The following ARHGEF6 variants were observed in gnomAD, a reference collection of about 807,000 sequenced individuals.
ARHGEF6 encodes the protein rho guanine nucleotide exchange factor 6.
In ARHGEF6, 9 loss-of-function variants were observed where a neutral mutation model predicts 70.3. That is an observed-to-expected ratio of 0.13 (90% CI 0.08 to 0.22). ARHGEF6 has a LOEUF of 0.22. Ranked by LOEUF, ARHGEF6 falls within the 10% of genes least tolerant of loss-of-function variation. The pLI is 1.00. For missense variants in ARHGEF6, 470 were observed against 563.0 expected (o/e 0.83, Z 1.67); for synonymous variants, 201 against 207.8 (o/e 0.97, Z 0.28).
At chrX:136,771,324 T>C (rs2077361703) in intron 2 of ARHGEF6, among the ~76,000 whole-genome samples, 1 of 112,529 alleles carries the variant, frequency 8.9e-6, no homozygotes, top group African/African-American at 3.2e-5. Flanking sequence ...AGCTGGCCTT[T>C]TTTGTAGAAA....
chrX:136,768,201 A>G (rs1399139253), intron 2 of ARHGEF6, among the ~76,000 whole-genome samples: 1 of 112,133 alleles, frequency 8.9e-6, no homozygotes, highest in South Asian at 3.7e-4. Context: ...CTCTGATAAC[A>G]GGCCCCAAAT....
At chrX:136,757,403 T>C (rs949574790) in intron 2 of ARHGEF6, among the ~76,000 whole-genome samples, 3 of 112,118 alleles carry the variant, frequency 2.7e-5, no homozygotes, top group African/African-American at 6.5e-5. Flanking sequence ...TCTCAAAAAA[T>C]AGTAATAATA....
intron 9 of ARHGEF6, among the ~76,000 whole-genome samples, chrX:136,700,669 A>G (rs956233389): frequency 8.9e-6 from 1 of 112,328 alleles, no homozygotes. Context: ...AAAACCTCAC[A>G]GTAAACACCT....
At chrX:136,703,125 T>C (rs1263537005) in intron 9 of ARHGEF6, among the ~76,000 whole-genome samples, 1 of 111,978 alleles carries the variant, frequency 8.9e-6, no homozygotes, top group East Asian at 2.8e-4. Flanking sequence ...ATTATAAAAC[T>C]CTAAGAAAAT....
intron 12 of ARHGEF6, among the ~76,000 whole-genome samples, chrX:136,684,152 C>T (rs1481541133): frequency 8.9e-6 from 1 of 112,364 alleles, no homozygotes; most frequent in African/African-American, 3.2e-5. Context: ...TCCTTGCCCT[C>T]TGAACCTTCA....
At chrX:136,720,466 A>T (rs926040730) in intron 6 of ARHGEF6, among the ~76,000 whole-genome samples, 11 of 110,515 alleles carry the variant, frequency 1.0e-4, no homozygotes, top group Non-Finnish European at 1.9e-4. Flanking sequence ...ATTCTCAGAA[A>T]ACTAGGAATA....
At chrX:136,678,728 T>C (rs2076303561) in intron 16 of ARHGEF6, among the ~76,000 whole-genome samples, 1 of 111,847 alleles carries the variant, frequency 8.9e-6, no homozygotes, top group South Asian at 3.7e-4. Context: ...AAGCCACCTT[T>C]GCCCCATAAT....
intron 5 of ARHGEF6, among the ~76,000 whole-genome samples, chrX:136,742,741 G>A (rs1044097510): frequency 9.0e-6 from 1 of 111,673 alleles, no homozygotes; most frequent in East Asian, 2.8e-4. Context: ...GTGGGAGGCC[G>A]ACACAGGAAG....
intron 5 of ARHGEF6, among the ~76,000 whole-genome samples, chrX:136,739,163 C>G (rs2077017761): frequency 8.9e-6 from 1 of 112,336 alleles, no homozygotes. Flanking sequence ...ACCATCCACT[C>G]TTACTTCCAT....
At chrX:136,709,954 A>C (rs1386739701) in intron 7 of ARHGEF6, among the ~76,000 whole-genome samples, 1 of 109,962 alleles carries the variant, frequency 9.1e-6, no homozygotes, top group Non-Finnish European at 1.9e-5. Context: ...TGATGGAGTA[A>C]GACTCTGTCA....
Position 136,706,715 on chromosome X carries a change from G to A in ARHGEF6, c.1046+193C>T, listed in dbSNP as rs1015820064. 2.7e-5 allele frequency among the ~76,000 whole-genome samples: 3 copies of A among 111,834 alleles called. No homozygotes were observed. The Admixed American group carries it at 2.8e-4, about 11-fold the overall frequency. On this transcript the variant is annotated intron_variant, in intron 9 of 21. Coordinates refer to ENST00000250617, the MANE Select transcript of ARHGEF6 (RefSeq NM_004840.3). ...CCTGTATCCCCATCAGCTGGTACAG[G>A]GCCTTGCACATAGTAGGTGCTCAAG...
chrX:136,759,065 C>T (rs1031136348), intron 2 of ARHGEF6, among the ~76,000 whole-genome samples: 1 of 112,065 alleles, frequency 8.9e-6, no homozygotes, highest in Non-Finnish European at 1.9e-5. Flanking sequence ...ACACAACACA[C>T]TCCCAAATAC....
intron 2 of ARHGEF6, chrX:136,773,943 C>G (rs980213022): frequency 2.2e-4 from 24 of 111,367 alleles, no homozygotes; most frequent in African/African-American, 7.8e-4. Context: ...TTTCCAGTGC[C>G]TTTTATTTAA....
chrX:136,731,207 C>A (rs760584578), intron 6 of ARHGEF6, among the ~76,000 whole-genome samples: 9 of 112,249 alleles, frequency 8.0e-5, no homozygotes, highest in Admixed American at 4.7e-4. Flanking sequence ...CATTATAGAG[C>A]AAATTCACTG....
intron 20 of ARHGEF6, among the ~76,000 whole-genome samples, chrX:136,670,078 A>ACCAT (rs1968324148): frequency 8.9e-6 from 1 of 111,802 alleles, no homozygotes; most frequent in Admixed American, 9.4e-5. Flanking sequence ...TATTGGTTCA[A>ACCAT]GGACCCCCAT....
intron 9 of ARHGEF6, among the ~76,000 whole-genome samples, chrX:136,700,451 T>C (rs1183969570): frequency 9.0e-6 from 1 of 110,836 alleles, no homozygotes; most frequent in African/African-American, 3.3e-5. Flanking sequence ...TGCTTGAACC[T>C]GTGAGGCAAA....
rs1380962243 is a variant in ARHGEF6, at chrX:136,698,845, A to G, written c.1046+8063T>C. Among the ~76,000 whole-genome samples, 4 of 112,646 alleles carry G rather than the reference A, an allele frequency of 3.6e-5. No individual in the cohort carries two copies. The East Asian group carries it at 8.3e-4, about 23-fold the overall frequency. ...GAGCACCAATAAAGGTAAATATGCA[A>G]TTATGAAAGACAGTATAAATACATG... On this transcript the variant is annotated intron_variant, in intron 9 of 21. Transcript: ENST00000250617.
At chrX:136,764,599 T>A (rs2077295779) in intron 2 of ARHGEF6, among the ~76,000 whole-genome samples, 1 of 110,720 alleles carries the variant, frequency 9.0e-6, no homozygotes, top group African/African-American at 3.3e-5. Flanking sequence ...TCTACTACGA[T>A]AGTGGTGGAT....
Position 136,745,345 on chromosome X carries a change from G to T in ARHGEF6, c.337C>A (p.Gln113Lys). 1.7e-6 allele frequency: 2 copies of T among 1,211,281 alleles called. No homozygotes were observed. Among genetic ancestry groups the T allele is most frequent in the Non-Finnish European group, 2.2e-6 (2 of 895,119 alleles). ...LLAVNKATED[Q>K]LSERPCGRSS... ...CGTCCACATGGTCTTTCTGATAGCT[G>T]ATCTGTGAAAAGAGGAAAAGGCATG... The change falls in exon 4 of 22, where the codon CAG (glutamine) becomes AAG (lysine). Residue 113 changes from glutamine to lysine, a missense_variant and splice_region_variant. Around this residue, in one of 3 missense-constraint regions of ARHGEF6, gnomAD observed 379 missense variants for 449.3 expected, o/e 0.84. Transcript: ENST00000250617.
Sources: gnomAD v4.1 joint callset for allele counts (sites outside exome capture counted in the v4.1 genomes callset) on GRCh38, gnomAD v4.1.1 for gene constraint, gnomAD v4.1.1 regional missense constraint, MANE v1.5 for transcripts, NCBI Gene and HGNC (gene_info 2026-07-23, HGNC 2026-07-21) for gene names.